PKIB: variants seen among roughly 807,000 people sequenced by gnomAD.
PKIB encodes the protein PKI-beta.
PKIB carries 2 observed loss-of-function variants against 4.5 expected under a neutral mutation model. The observed-to-expected ratio is 0.44, with a 90% CI of 0.18 to 1.39. The LOEUF is 1.39. Among genes scored for constraint, PKIB ranks in the 40% most tolerant of loss-of-function variants. The pLI is 0.27. For synonymous variants in PKIB, 38 were observed against 36.0 expected, an observed-to-expected ratio of 1.06 and a Z score of -0.20; for missense variants, 94 against 92.6, an observed-to-expected ratio of 1.02 and a Z score of -0.06.
At chr6:122,630,856 T>C (rs1248153000) in intron 1 of PKIB, among the ~76,000 whole-genome samples, 1 of 152,140 alleles carries the variant, frequency 6.6e-6, no homozygotes, top group Non-Finnish European at 1.5e-5. Flanking sequence ...GGATAATCAG[T>C]ATCATCCAAA....
intron 2 of PKIB, among the ~76,000 whole-genome samples, chr6:122,581,275 C>T (rs569072386): frequency 1.3e-5 from 2 of 152,196 alleles, no homozygotes; most frequent in Non-Finnish European, 2.9e-5. Flanking sequence ...GTAAGATTTC[C>T]TGGGAAATGT....
rs959306628 is a variant in PKIB at position 122,725,128 on chromosome 6, A to C, written c.170A>C (p.Asp57Ala). 3.1e-6 allele frequency: 5 copies of C among 1,602,928 alleles called. No individual in the cohort carries two copies. The highest frequency in any genetic ancestry group is 1.7e-4 in the Middle Eastern group (1 of 5,972). ...ATATGAATGGAAATTTTTTTTTCAG[A>C]TGCAAAAGAGAAAGATGAAAAAACA... ...LKLEALSVKE[D>A]AKEKDEKTTQ... Residue 57 changes from aspartate to alanine, a missense_variant and splice_region_variant, in exon 5 of 5, where the codon GAT (aspartate) becomes GCT (alanine). By Grantham distance (126) the Asp-to-Ala change is moderately radical (BLOSUM62 -2). Transcript: ENST00000368452.
At chr6:122,524,679 T>G (rs1777046375) in intron 2 of PKIB, among the ~76,000 whole-genome samples, 1 of 152,124 alleles carries the variant, frequency 6.6e-6, no homozygotes, top group Non-Finnish European at 1.5e-5. Context: ...GTTCAGATTT[T>G]CTATTTCTTC....
chr6:122,664,242 C>T (rs1777129052), intron 2 of PKIB, among the ~76,000 whole-genome samples: 1 of 152,130 alleles, frequency 6.6e-6, no homozygotes. Context: ...CTCAGCACTG[C>T]AGCTGCCATT....
At chr6:122,663,460 A>G (rs1016232176) in intron 2 of PKIB, among the ~76,000 whole-genome samples, 3 of 152,158 alleles carry the variant, frequency 2.0e-5, no homozygotes, top group Admixed American at 6.5e-5. Context: ...AAGTACCACA[A>G]ACTGGGCGGC....
At chr6:122,709,436 A>C (rs958368551) in intron 3 of PKIB, among the ~76,000 whole-genome samples, 4 of 152,142 alleles carry the variant, frequency 2.6e-5, no homozygotes, top group African/African-American at 9.6e-5. Context: ...GGAGGTTTTG[A>C]AAAGTAGCTG....
rs567095646 is a variant in PKIB, at chr6:122,472,867, C to T, written c.-337+826C>T. Among the ~76,000 whole-genome samples the T allele has an allele frequency of 2.4e-3, 370 of 152,286 alleles. 1 individual carries two copies. The highest frequency in any genetic ancestry group is 0.01 in the Middle Eastern group (3 of 294). On this transcript the variant is annotated intron_variant, in intron 1 of 6. Coordinates refer to the PKIB transcript ENST00000392491. ...TGTGGAAATGCTTGTAATCCCAGAA[C>T]TTTGGGAGGCTGAGGCAGGCGGGTC... is the stretch of plus-strand genomic sequence containing the variant.
chr6:122,625,832 G>T (rs1241489765), intron 1 of PKIB, among the ~76,000 whole-genome samples: 3 of 152,128 alleles, frequency 2.0e-5, no homozygotes, highest in African/African-American at 7.2e-5. Flanking sequence ...ACTTTGGGAG[G>T]CCTAGGCAGG....
At chr6:122,701,917 A>G (rs968781098) in intron 3 of PKIB, among the ~76,000 whole-genome samples, 1 of 152,184 alleles carries the variant, frequency 6.6e-6, no homozygotes, top group Non-Finnish European at 1.5e-5. Flanking sequence ...TGTAACCAGG[A>G]ATAGTATGAA....
intron 3 of PKIB, among the ~76,000 whole-genome samples, chr6:122,708,861 G>A (rs1192225023): frequency 6.6e-6 from 1 of 152,128 alleles, no homozygotes; most frequent in South Asian, 2.1e-4. Flanking sequence ...TCAAACTCCT[G>A]ACCTCAGGTG....
chr6:122,601,880 T>G (rs1774379453), intron 3 of PKIB, among the ~76,000 whole-genome samples: 1 of 152,262 alleles, frequency 6.6e-6, no homozygotes, highest in African/African-American at 2.4e-5. Flanking sequence ...ATGAGGATTT[T>G]CAACAGGCGA....
chr6:122,523,819 C>G (rs575557645), intron 2 of PKIB, among the ~76,000 whole-genome samples: 12 of 152,030 alleles, frequency 7.9e-5, no homozygotes, highest in African/African-American at 2.7e-4. Flanking sequence ...TGCACAAGCT[C>G]TCTTTCCTGC....
intron 3 of PKIB, among the ~76,000 whole-genome samples, chr6:122,587,148 G>A (rs963677105): frequency 2.0e-5 from 3 of 151,988 alleles, no homozygotes; most frequent in Admixed American, 6.6e-5. Context: ...TTAGCATTAG[G>A]TAGATCTCCT....
rs1342892687 is a variant in PKIB at position 122,724,827 on chromosome 6, T to A, written c.170-301T>A. On this transcript the variant is annotated intron_variant, in intron 4 of 4. Coordinates refer to ENST00000368452, the MANE Select transcript of PKIB (RefSeq NM_181795.3). The stretch of plus-strand genomic sequence containing the variant: ...AAGTTGTGACTGTCACTCACTAGTC[T>A]CTGACTTTGGACAAGTCACTTTACC... 3.3e-5 allele frequency among the ~76,000 whole-genome samples: 5 copies of A among 152,154 alleles called. No individual in the cohort carries two copies. In the East Asian group the frequency reaches 9.7e-4, roughly 29 times the overall value.
At chr6:122,539,815 C>T (rs1390383351) in intron 2 of PKIB, among the ~76,000 whole-genome samples, 3 of 151,912 alleles carry the variant, frequency 2.0e-5, no homozygotes, top group Non-Finnish European at 2.9e-5. Context: ...TGGTCCTGGA[C>T]TTTTTTTGGT....
At chr6:122,551,050 A>T (rs1052669696) in intron 2 of PKIB, among the ~76,000 whole-genome samples, 1 of 152,028 alleles carries the variant, frequency 6.6e-6, no homozygotes, top group Admixed American at 6.6e-5. Context: ...TCTATCTTTT[A>T]TCTCTTTTTG....
chr6:122,719,070 T>G (rs1269493024), intron 4 of PKIB, among the ~76,000 whole-genome samples: 2 of 152,158 alleles, frequency 1.3e-5, no homozygotes, highest in African/African-American at 4.8e-5. Flanking sequence ...AAATGTAATA[T>G]GACCATAGGA....
At chr6:122,639,604 G>A (rs967400362) in intron 2 of PKIB, among the ~76,000 whole-genome samples, 9 of 152,136 alleles carry the variant, frequency 5.9e-5, no homozygotes, top group South Asian at 2.1e-4. Flanking sequence ...GACCCAAAAG[G>A]TGTTATATCA....
At chr6:122,556,672 TG>T (rs745573883) in intron 2 of PKIB, among the ~76,000 whole-genome samples, 5 of 152,128 alleles carry the variant, frequency 3.3e-5, no homozygotes, top group African/African-American at 4.8e-5. Context: ...TCCCTACAAG[TG>T]AATCCTAGCA....
Sources: gnomAD v4.1 joint callset for allele counts (sites outside exome capture counted in the v4.1 genomes callset) on GRCh38, gnomAD v4.1.1 for gene constraint, MANE v1.5 for transcripts, NCBI Gene and HGNC (gene_info 2026-07-23, HGNC 2026-07-21) for gene names.